The following DAB1 variants were observed in gnomAD, a reference collection of about 807,000 sequenced individuals.
DAB1 encodes DAB adaptor protein 1.
DAB1 carries 15 observed loss-of-function variants against 64.6 expected under a neutral mutation model. The ratio of observed to expected loss-of-function variants is 0.23; its 90% confidence interval spans 0.16 to 0.36. The LOEUF is 0.36. Among genes scored for constraint, DAB1 ranks in the 10% least tolerant of loss-of-function variants. The probability of loss-of-function intolerance (pLI) is 1.00; values close to 1 mark genes in which losing one functional copy is unlikely to be tolerated. For missense variants in DAB1, 596 were observed against 706.7 expected (o/e 0.84, Z 1.78); for synonymous variants, 235 against 251.9 (o/e 0.93, Z 0.64).
chr1:58,238,290 GA>G (rs1660138710), intron 4 of DAB1, among the ~76,000 whole-genome samples: 1 of 152,178 alleles, frequency 6.6e-6, no homozygotes, highest in African/African-American at 2.4e-5. Flanking sequence ...AAGTAACAAA[GA>G]ATGCTTCCCA....
chr1:57,635,215 A>C lies in DAB1; in HGVS notation n.625+14377T>G, dbSNP rs148522492. On this transcript the variant is annotated intron_variant and non_coding_transcript_variant, in intron 7 of 20. Transcript: ENST00000485760. ...GATGTTACTTGGAGATAGAGTCATT[A>C]GGGAGATAATTAAGGTTAAATGAGG... Among the ~76,000 whole-genome samples, 1,160 of 152,304 alleles carry C rather than the reference A, an allele frequency of 7.6e-3. 18 individuals are homozygous for C. Among genetic ancestry groups the C allele is most frequent in the African/African-American group, 0.027 (1,116 of 41,566 alleles).
intron 9 of DAB1, among the ~76,000 whole-genome samples, chr1:57,036,527 A>G (rs1647159452): frequency 2.0e-5 from 3 of 152,232 alleles, no homozygotes; most frequent in Admixed American, 2.0e-4. Flanking sequence ...TCTTATAGAC[A>G]AAAACTGATC....
chr1:57,161,413 C>T (rs1474069086), intron 2 of DAB1, among the ~76,000 whole-genome samples: 1 of 152,138 alleles, frequency 6.6e-6, no homozygotes, highest in Non-Finnish European at 1.5e-5. Flanking sequence ...CTGGGCTGCA[C>T]CTGTAAGACA....
chr1:57,662,213 G>C (rs893396499), intron 6 of DAB1, among the ~76,000 whole-genome samples: 6 of 151,752 alleles, frequency 4.0e-5, no homozygotes, highest in African/African-American at 1.5e-4. Flanking sequence ...GTTTGTTTTT[G>C]AGACAGAGTT....
chr1:57,231,228 T>G (rs1175630219), intron 2 of DAB1, among the ~76,000 whole-genome samples: 2 of 152,234 alleles, frequency 1.3e-5, no homozygotes, highest in African/African-American at 2.4e-5. Context: ...AGCATAAGTA[T>G]CTTCAAAATA....
At chr1:57,653,344 T>C (rs544993506) in intron 6 of DAB1, among the ~76,000 whole-genome samples, 2 of 152,348 alleles carry the variant, frequency 1.3e-5, no homozygotes, top group Admixed American at 1.3e-4. Context: ...TATCCTAACG[T>C]AGGTATCCAT....
chr1:57,709,066 T>A (rs1485601297), intron 6 of DAB1, among the ~76,000 whole-genome samples: 1 of 152,202 alleles, frequency 6.6e-6, no homozygotes. Context: ...ATTAATTCTT[T>A]GAATATTTTT....
chr1:58,162,542 C>T (rs1250764548), intron 4 of DAB1, among the ~76,000 whole-genome samples: 4 of 152,124 alleles, frequency 2.6e-5, no homozygotes, highest in South Asian at 2.1e-4. Flanking sequence ...AACACCTTAG[C>T]GAAGGTCTTT....
At chr1:57,037,734 C>G (rs1473864017) in intron 9 of DAB1, among the ~76,000 whole-genome samples, 1 of 152,062 alleles carries the variant, frequency 6.6e-6, no homozygotes, top group Non-Finnish European at 1.5e-5. Context: ...CACCTTTACC[C>G]AAGAGTGAAC....
At chr1:57,556,245 A>G (rs557940351) in intron 7 of DAB1, among the ~76,000 whole-genome samples, 2 of 152,246 alleles carry the variant, frequency 1.3e-5, no homozygotes, top group East Asian at 1.9e-4. Flanking sequence ...ACATGTGTGT[A>G]GAAGTATCTT....
chr1:57,362,000 C>G (rs1679589214), intron 1 of DAB1, among the ~76,000 whole-genome samples: 1 of 152,136 alleles, frequency 6.6e-6, no homozygotes, highest in South Asian at 2.1e-4. Context: ...GGCATTTAAT[C>G]AATTTTGGAT....
chr1:57,486,821 T>C (rs956662861), intron 7 of DAB1, among the ~76,000 whole-genome samples: 4 of 151,952 alleles, frequency 2.6e-5, no homozygotes, highest in Non-Finnish European at 1.5e-5. Flanking sequence ...TAAATCTTCA[T>C]GAGATAGTAT....
At chr1:57,441,932 C>T (rs1162904085) in intron 7 of DAB1, among the ~76,000 whole-genome samples, 2 of 152,168 alleles carry the variant, frequency 1.3e-5, no homozygotes, top group African/African-American at 2.4e-5. Context: ...TACTCCACAG[C>T]CTTGCCAGCA....
chr1:58,140,044 A>G (rs1654189541), intron 5 of DAB1, among the ~76,000 whole-genome samples: 1 of 152,180 alleles, frequency 6.6e-6, no homozygotes, highest in East Asian at 1.9e-4. Flanking sequence ...GTGCATCTGG[A>G]AGATTAACCA....
chr1:57,717,445 G>A (rs1647097763), intron 6 of DAB1, among the ~76,000 whole-genome samples: 1 of 151,958 alleles, frequency 6.6e-6, no homozygotes, highest in Non-Finnish European at 1.5e-5. Context: ...TGTAGAGAAA[G>A]GGGAACTTTT....
At chr1:57,398,882 C>T (rs578070198) in intron 1 of DAB1, among the ~76,000 whole-genome samples, 7 of 152,262 alleles carry the variant, frequency 4.6e-5, no homozygotes, top group Non-Finnish European at 1.0e-4. Context: ...TTCTGTGTGG[C>T]CTTTCCTTCC....
At chr1:58,080,747 T>G (rs1262782464) in intron 5 of DAB1, among the ~76,000 whole-genome samples, 1 of 152,226 alleles carries the variant, frequency 6.6e-6, no homozygotes, top group Non-Finnish European at 1.5e-5. Context: ...GCTCTGCCAT[T>G]TATTGCATGA....
chr1:57,759,172 A>G (rs924513951), intron 6 of DAB1, among the ~76,000 whole-genome samples: 1 of 152,126 alleles, frequency 6.6e-6, no homozygotes, highest in Non-Finnish European at 1.5e-5. Flanking sequence ...GTTTCATCAT[A>G]TTTCTTCCAT....
chr1:58,034,384 C>A (rs959725523), intron 5 of DAB1, among the ~76,000 whole-genome samples: 1 of 152,220 alleles, frequency 6.6e-6, no homozygotes, highest in Non-Finnish European at 1.5e-5. Context: ...GGGATAACTG[C>A]AGCCCTGACT....
Sources: allele counts gnomAD v4.1 joint callset (sites outside exome capture counted in the v4.1 genomes callset), GRCh38; gene constraint gnomAD v4.1.1; transcripts MANE v1.5; gene names NCBI Gene and HGNC (gene_info 2026-07-23, HGNC 2026-07-21).